SIPA1L3: variants seen among roughly 807,000 people sequenced by gnomAD.
SIPA1L3 encodes the protein signal induced proliferation associated 1 like 3.
Under a neutral mutation model 150.1 loss-of-function variants are expected in SIPA1L3, and 59 were observed. That is an observed-to-expected ratio of 0.39 (90% confidence interval 0.32 to 0.49). The LOEUF is 0.49. Among genes scored for constraint, SIPA1L3 ranks in the 20% least tolerant of loss-of-function variants. The probability of loss-of-function intolerance (pLI) is 0.86; values close to 1 mark genes in which losing one functional copy is unlikely to be tolerated. For synonymous variants in SIPA1L3, 1,070 were observed against 1,077.6 expected (o/e 0.99, Z 0.14); for missense variants, 2,211 against 2,489.5 (o/e 0.89, Z 2.38).
intron 4 of SIPA1L3, among the ~76,000 whole-genome samples, chr19:38,096,344 G>A (rs1970380188): frequency 6.6e-6 from 1 of 152,046 alleles, no homozygotes; most frequent in Admixed American, 6.6e-5. Flanking sequence ...CCGCCTCCTG[G>A]GTTCAAGTGA....
intron 1 of SIPA1L3, among the ~76,000 whole-genome samples, chr19:37,917,257 A>T (rs2046421655): frequency 6.6e-6 from 1 of 152,160 alleles, no homozygotes; most frequent in South Asian, 2.1e-4. Flanking sequence ...TGGCTACCAC[A>T]TCGGACAGCA....
At chr19:38,149,056 A>C (rs1483078621) in intron 12 of SIPA1L3, among the ~76,000 whole-genome samples, 1 of 152,192 alleles carries the variant, frequency 6.6e-6, no homozygotes, top group Non-Finnish European at 1.5e-5. Flanking sequence ...CATCCCAATG[A>C]ATGGTCAACA....
At chr19:38,030,267 G>C (rs947010040) in intron 2 of SIPA1L3, among the ~76,000 whole-genome samples, 2 of 152,060 alleles carry the variant, frequency 1.3e-5, no homozygotes, top group African/African-American at 4.8e-5. Context: ...TTTCTCTGTT[G>C]GTTAAAAATA....
intron 1 of SIPA1L3, among the ~76,000 whole-genome samples, chr19:37,957,755 C>T (rs2046823842): frequency 6.6e-6 from 1 of 152,018 alleles, no homozygotes; most frequent in African/African-American, 2.4e-5. Context: ...TTCTGTTGCC[C>T]AGGCTGGTGT....
intron 1 of SIPA1L3, among the ~76,000 whole-genome samples, chr19:37,948,147 C>A (rs2046729312): frequency 6.6e-6 from 1 of 152,180 alleles, no homozygotes; most frequent in Admixed American, 6.5e-5. Context: ...AGGGAAGACG[C>A]TGACATCAAG....
At chr19:38,125,746 C>T (rs28627637) in intron 9 of SIPA1L3, among the ~76,000 whole-genome samples, 4,415 of 152,306 alleles carry the variant, frequency 0.029, 211 homozygotes, top group African/African-American at 0.1. Flanking sequence ...CCTGAACTAA[C>T]GGTATCCCAT....
intron 2 of SIPA1L3, among the ~76,000 whole-genome samples, chr19:38,076,794 C>T (rs1251886577): frequency 2.6e-5 from 4 of 152,126 alleles, no homozygotes; most frequent in Non-Finnish European, 5.9e-5. Flanking sequence ...GTGTGAGGAC[C>T]ATCGTAAAAA....
intron 2 of SIPA1L3, among the ~76,000 whole-genome samples, chr19:38,077,474 A>G (rs913879944): frequency 7.2e-5 from 11 of 151,836 alleles, no homozygotes; most frequent in African/African-American, 2.7e-4. Flanking sequence ...AATAAAAATG[A>G]ATAAGAAAAA....
At chr19:38,140,821 G>T (rs2082442) in intron 10 of SIPA1L3, among the ~76,000 whole-genome samples, 23,317 of 151,978 alleles carry the variant, frequency 0.15, 1,858 homozygotes, top group African/African-American at 0.19. Flanking sequence ...ATTTTGGGAG[G>T]CTGAGGCGGG....
At chr19:37,953,082 G>A (rs1316225334) in intron 1 of SIPA1L3, among the ~76,000 whole-genome samples, 9 of 152,202 alleles carry the variant, frequency 5.9e-5, no homozygotes, top group Non-Finnish European at 1.3e-4. Flanking sequence ...CAATTAGCCA[G>A]GCGTGGTGGC....
intron 1 of SIPA1L3, among the ~76,000 whole-genome samples, chr19:38,017,717 G>C (rs916414083): frequency 4.6e-5 from 7 of 151,848 alleles, no homozygotes; most frequent in African/African-American, 1.7e-4. Flanking sequence ...TTTCTGTAGA[G>C]ACAGGGTCTT....
At chr19:37,921,906 T>A (rs981367832) in intron 1 of SIPA1L3, among the ~76,000 whole-genome samples, 2 of 151,920 alleles carry the variant, frequency 1.3e-5, no homozygotes, top group African/African-American at 4.8e-5. Context: ...CCTGGCCTGT[T>A]TTTCTTTCCA....
At chr19:38,002,766 C>A (rs899137738) in intron 1 of SIPA1L3, among the ~76,000 whole-genome samples, 3 of 143,524 alleles carry the variant, frequency 2.1e-5, no homozygotes, top group African/African-American at 7.8e-5. Context: ...ATATATATAT[C>A]TCACATTTTG....
intron 2 of SIPA1L3, among the ~76,000 whole-genome samples, chr19:38,055,419 A>G (rs1283835307): frequency 6.6e-6 from 1 of 152,220 alleles, no homozygotes; most frequent in Non-Finnish European, 1.5e-5. Context: ...TCCAAGTACA[A>G]GAGAAGGGTA....
intron 1 of SIPA1L3, among the ~76,000 whole-genome samples, chr19:37,934,980 T>C (rs1034965375): frequency 7.2e-5 from 11 of 152,126 alleles, no homozygotes; most frequent in Non-Finnish European, 1.5e-4. Flanking sequence ...AGTTTTTTTT[T>C]CCCACAAATT....
Position 38,082,450 on chromosome 19 carries a change from C to G in SIPA1L3, c.885C>G (p.Asp295Glu), listed in dbSNP as rs779690881. 6.3e-7 allele frequency: 1 copy of G among 1,590,312 alleles called. No homozygotes were observed. Among genetic ancestry groups the G allele is most frequent in the South Asian group, 1.1e-5 (1 of 88,958 alleles). Residue 295 changes from aspartate (D) to glutamate (E), a missense_variant, in exon 3 of 22, where the codon GAC becomes GAG. Asp to Glu is a conservative substitution (Grantham distance 45, BLOSUM62 2). Transcript: ENST00000222345. ...CTGCGCGGGGCCTCGGCGGCGGGGA[C>G]ACGGTGGACTCGTCCATCTTTCGGA... ...KKPARGLGGG[D>E]TVDSSIFRKL... is the part of the protein sequence containing the mutation.
chr19:38,106,405 C>A (rs887401949), intron 6 of SIPA1L3, 132 bp from the exon 7 acceptor site: 3 of 727,330 alleles, frequency 4.1e-6, no homozygotes, highest in Non-Finnish European at 5.0e-6. Flanking sequence ...CCAGGCCTGG[C>A]CAGTGTATTT....
chr19:37,934,425 T>C (rs1287466941), intron 1 of SIPA1L3, among the ~76,000 whole-genome samples: 1 of 152,188 alleles, frequency 6.6e-6, no homozygotes, highest in Non-Finnish European at 1.5e-5. Flanking sequence ...ATTACACTTA[T>C]TTCATGTAAT....
intron 8 of SIPA1L3, among the ~76,000 whole-genome samples, chr19:38,115,318 C>G (rs2145886814): frequency 6.6e-6 from 1 of 152,298 alleles, no homozygotes; most frequent in East Asian, 1.9e-4. Flanking sequence ...TCTCTCCTCC[C>G]ACCTTCCCAT....
Sources: allele counts gnomAD v4.1 joint callset (sites outside exome capture counted in the v4.1 genomes callset), GRCh38; gene constraint gnomAD v4.1.1; transcripts MANE v1.5; gene names NCBI Gene and HGNC (gene_info 2026-07-23, HGNC 2026-07-21).